The following THRB variants were observed in gnomAD, a reference collection of about 807,000 sequenced individuals.
The protein encoded by THRB is nuclear receptor subfamily 1 group A member 2.
Under a neutral mutation model 47.8 loss-of-function variants are expected in THRB, and 12 were observed. The observed-to-expected ratio is 0.25, with a 90% confidence interval of 0.16 to 0.41. The LOEUF is 0.41. Among genes scored for constraint, THRB ranks in the 10% least tolerant of loss-of-function variants. The pLI is 1.00. For synonymous variants in THRB, 218 were observed against 212.2 expected (o/e 1.03, Z -0.24); for missense variants, 348 against 589.2 (o/e 0.59, Z 4.24).
At chr3:24,253,479 G>C (rs1232449082) in intron 3 of THRB, among the ~76,000 whole-genome samples, 2 of 152,282 alleles carry the variant, frequency 1.3e-5, no homozygotes, top group African/African-American at 4.8e-5. Flanking sequence ...AATGTCACAT[G>C]GAATAAGCAG....
chr3:24,224,939 T>C (rs2047506480), intron 4 of THRB, among the ~76,000 whole-genome samples: 1 of 152,174 alleles, frequency 6.6e-6, no homozygotes, highest in Non-Finnish European at 1.5e-5. Context: ...CATATTCGCA[T>C]CTCAGCCTAA....
rs1377634644 is a variant in THRB at position 24,393,924 on chromosome 3, A to C, written c.-260-56553T>G. Among the ~76,000 whole-genome samples, 5 of 152,180 alleles carry C rather than the reference A, an allele frequency of 3.3e-5. No homozygotes were observed. The East Asian group carries it at 9.7e-4, about 29-fold the overall frequency. Reference sequence around the variant, plus strand: ...TGAGGTTTGAAACTGGGGGTCCACCATATCTCCTTTGGTATTGAAAGGGAG... The same window carrying C: ...TGAGGTTTGAAACTGGGGGTCCACCCTATCTCCTTTGGTATTGAAAGGGAG... On this transcript the variant is annotated intron_variant, in intron 1 of 10. Coordinates refer to ENST00000646209, the MANE Select transcript of THRB (RefSeq NM_001354712.2).
intron 3 of THRB, among the ~76,000 whole-genome samples, chr3:24,282,621 C>T (rs2054735191): frequency 7.4e-6 from 1 of 135,864 alleles, no homozygotes; most frequent in Admixed American, 7.1e-5. Flanking sequence ...CACAAAAACC[C>T]TTCAGAAAGT....
At chr3:24,265,198 G>A (rs1433297608) in intron 3 of THRB, among the ~76,000 whole-genome samples, 6 of 152,120 alleles carry the variant, frequency 3.9e-5, no homozygotes, top group African/African-American at 7.2e-5. Flanking sequence ...GTGAAAGAAA[G>A]TGAAGAAAGA....
chr3:24,219,633 G>T (rs1009750864), intron 4 of THRB, among the ~76,000 whole-genome samples: 4 of 152,194 alleles, frequency 2.6e-5, no homozygotes, highest in African/African-American at 9.7e-5. Flanking sequence ...CCTAGGTCAG[G>T]TTAGGCCTAG....
chr3:24,163,588 C>A (rs1278716051), intron 5 of THRB, among the ~76,000 whole-genome samples: 1 of 152,076 alleles, frequency 6.6e-6, no homozygotes, highest in Non-Finnish European at 1.5e-5. Context: ...ATGTTAATTT[C>A]TTCTTTTCAA....
intron 3 of THRB, among the ~76,000 whole-genome samples, chr3:24,279,423 G>A (rs553460330): frequency 6.6e-5 from 10 of 151,956 alleles, no homozygotes; most frequent in South Asian, 4.2e-4. Context: ...TCATTCTGTC[G>A]CCCAGGCTGG....
At chr3:24,179,248 C>A (rs1411513525) in intron 5 of THRB, among the ~76,000 whole-genome samples, 1 of 152,154 alleles carries the variant, frequency 6.6e-6, no homozygotes, top group African/African-American at 2.4e-5. Flanking sequence ...TAAATAAAGT[C>A]TGTAGATTAG....
At position 24,367,110 on chromosome 3, in the gene THRB, T is replaced by C. The variant is rs372998151; in HGVS notation, c.-260-29739A>G. 1.1e-4 allele frequency among the ~76,000 whole-genome samples: 17 copies of C among 152,320 alleles called. No homozygotes were observed. The East Asian group carries it at 1.5e-3, about 14-fold the overall frequency. ...ACTAGCTGGATGGCAGGGACTGATCTGGTATACAAATGGTCAGAGTTACTA... is the reference window on the plus strand; with the variant it reads ...ACTAGCTGGATGGCAGGGACTGATCCGGTATACAAATGGTCAGAGTTACTA... On this transcript the variant is annotated intron_variant, in intron 1 of 10. Transcript: ENST00000646209.
intron 5 of THRB, among the ~76,000 whole-genome samples, chr3:24,171,347 A>G (rs1331801260): frequency 6.6e-6 from 1 of 152,172 alleles, no homozygotes; most frequent in East Asian, 1.9e-4. Flanking sequence ...TGAGCAGGGC[A>G]AGCTCCTGGG....
intron 2 of THRB, among the ~76,000 whole-genome samples, chr3:24,301,024 CA>C (rs2056900411): frequency 6.6e-6 from 1 of 152,076 alleles, no homozygotes; most frequent in Non-Finnish European, 1.5e-5. Flanking sequence ...AAGAGACACA[CA>C]GAGGGGAGAC....
rs530176220 is a variant in THRB, at chr3:24,446,721, T to A, written c.-261+47931A>T. ...TCACTCAACAATATTCAGCAAATCT[T>A]TGTGGGGTGCTCTCTATGGTTCTGG... On this transcript the variant is annotated intron_variant, in intron 1 of 10. Transcript: ENST00000646209. 1.1e-4 allele frequency among the ~76,000 whole-genome samples: 17 copies of A among 152,288 alleles called. No homozygotes were observed. In the South Asian group the frequency reaches 3.5e-3, roughly 32 times the overall value.
chr3:24,478,359 T>C (rs1411379788), intron 1 of THRB, among the ~76,000 whole-genome samples: 1 of 152,236 alleles, frequency 6.6e-6, no homozygotes, highest in African/African-American at 2.4e-5. Flanking sequence ...ACATATTTGG[T>C]GCTGAATAAA....
intron 3 of THRB, among the ~76,000 whole-genome samples, chr3:24,233,107 C>G (rs1000204187): frequency 1.3e-5 from 2 of 152,160 alleles, no homozygotes; most frequent in Non-Finnish European, 2.9e-5. Flanking sequence ...AGTAGAAAAG[C>G]AGGCATTCAC....
At chr3:24,212,296 G>C (rs1328189596) in intron 4 of THRB, among the ~76,000 whole-genome samples, 1 of 152,200 alleles carries the variant, frequency 6.6e-6, no homozygotes, top group Non-Finnish European at 1.5e-5. Flanking sequence ...TACTTGGGAG[G>C]CTGAGGCAGA....
intron 1 of THRB, among the ~76,000 whole-genome samples, chr3:24,364,675 T>C (rs2064327367): frequency 6.6e-6 from 1 of 152,130 alleles, no homozygotes; most frequent in African/African-American, 2.4e-5. Flanking sequence ...TAATTTGGTG[T>C]GATTTACACT....
chr3:24,356,667 G>T (rs948912267), intron 1 of THRB, among the ~76,000 whole-genome samples: 1 of 151,604 alleles, frequency 6.6e-6, no homozygotes, highest in Non-Finnish European at 1.5e-5. Context: ...CAGTTCCAAA[G>T]CCACTTCCAT....
intron 1 of THRB, among the ~76,000 whole-genome samples, chr3:24,474,831 T>C (rs537062609): frequency 1.3e-5 from 2 of 152,332 alleles, no homozygotes; most frequent in East Asian, 1.9e-4. Flanking sequence ...CTGATTCAAC[T>C]GTAAGGACCT....
At chr3:24,295,205 A>G (rs2056341164) in intron 3 of THRB, among the ~76,000 whole-genome samples, 1 of 152,230 alleles carries the variant, frequency 6.6e-6, no homozygotes, top group Non-Finnish European at 1.5e-5. Context: ...CTCAAGATAG[A>G]AATATGAAAA....
Sources: allele counts gnomAD v4.1 joint callset (sites outside exome capture counted in the v4.1 genomes callset), GRCh38; gene constraint gnomAD v4.1.1; transcripts MANE v1.5; gene names NCBI Gene and HGNC (gene_info 2026-07-23, HGNC 2026-07-21).